EXOSC10: variants seen among roughly 807,000 people sequenced by gnomAD.
EXOSC10 encodes exosome component 10.
EXOSC10 carries 94 observed loss-of-function variants against 126.6 expected under a neutral mutation model. The observed-to-expected ratio is 0.74, with a 90% confidence interval of 0.63 to 0.88. EXOSC10 has a LOEUF of 0.88. EXOSC10 is among the 40% of genes least tolerant of loss of function. The pLI is 0.00. For missense variants in EXOSC10, 1,041 were observed against 1,100.5 expected (o/e 0.95, Z 0.77); for synonymous variants, 395 against 400.8 (o/e 0.99, Z 0.17).
intron 6 of EXOSC10, among the ~76,000 whole-genome samples, chr1:11,089,192 C>T (rs150048654): frequency 6.5e-5 from 9 of 137,754 alleles, no homozygotes; most frequent in East Asian, 4.3e-4. Flanking sequence ...GATTGCACTA[C>T]GGCACCCAGC....
At chr1:11,096,021 T>C (rs1641065029) in intron 2 of EXOSC10, 140 bp from the exon 3 acceptor site, 1 of 936,546 alleles carries the variant, frequency 1.1e-6, no homozygotes, top group Non-Finnish European at 1.5e-6. Context: ...TCTTGCTCTG[T>C]TGCCCAGGCT....
intron 6 of EXOSC10, among the ~76,000 whole-genome samples, chr1:11,089,634 A>G (rs974837857): frequency 7.2e-6 from 1 of 139,812 alleles, no homozygotes; most frequent in Admixed American, 6.9e-5. Flanking sequence ...AAAAAAAAAA[A>G]AAGAAAGAAA....
chr1:11,067,580 G>C (rs902480188), intron 24 of EXOSC10, among the ~76,000 whole-genome samples: 2 of 152,238 alleles, frequency 1.3e-5, no homozygotes, highest in African/African-American at 4.8e-5. Context: ...CTCCAGCCTG[G>C]GTGACAGAAT....
intron 16 of EXOSC10, 59 bp from the exon 17 acceptor site, chr1:11,077,007 T>C (rs1639855801): frequency 1.4e-5 from 19 of 1,398,992 alleles, no homozygotes; most frequent in Non-Finnish European, 1.9e-5. Flanking sequence ...TTTTTTCTTT[T>C]TGAGATGGAG....
At chr1:11,080,365 T>A (rs1640073844) in intron 13 of EXOSC10, 134 bp downstream of exon 13, 1 of 1,118,544 alleles carries the variant, frequency 8.9e-7, no homozygotes, top group Admixed American at 2.1e-5. Context: ...TTCCTTCAAC[T>A]TGCTACCTTC....
chr1:11,072,387 T>C, intron 19 of EXOSC10: 1 of 485,476 alleles, frequency 2.1e-6, no homozygotes, highest in Admixed American at 3.7e-5. Flanking sequence ...CTCCAGGCAC[T>C]GGGCCATCCA....
At chr1:11,075,307 C>G (rs950008084) in intron 17 of EXOSC10, among the ~76,000 whole-genome samples, 1 of 152,208 alleles carries the variant, frequency 6.6e-6, no homozygotes, top group Non-Finnish European at 1.5e-5. Flanking sequence ...GTGTGAGCCA[C>G]CACGCCAGGC....
At chr1:11,094,703 C>T (rs571536437) in intron 3 of EXOSC10, among the ~76,000 whole-genome samples, 92 of 151,270 alleles carry the variant, frequency 6.1e-4, no homozygotes, top group African/African-American at 2.0e-3. Flanking sequence ...CGGGTTCAAG[C>T]GATTCTCCTG....
intron 3 of EXOSC10, among the ~76,000 whole-genome samples, chr1:11,093,304 T>C (rs1640899746): frequency 6.6e-6 from 1 of 152,228 alleles, no homozygotes; most frequent in South Asian, 2.1e-4. Flanking sequence ...ACATTAAATA[T>C]AGAAGTACAC....
chr1:11,073,919 G>GAC lies in EXOSC10; in HGVS notation c.2157+13_2157+14dup. ...AAAAAAAGTCTCTTTTAGAACAGGT[G>GAC]ACAAGTCCACTTACTTCATAGATTT... On this transcript the variant is annotated intron_variant, in intron 19 of 24. Coordinates refer to ENST00000376936, the MANE Select transcript of EXOSC10 (RefSeq NM_001001998.3). 3 of 1,326,092 alleles carry GAC rather than the reference G, an allele frequency of 2.3e-6. No individual in the cohort carries two copies. Among genetic ancestry groups the GAC allele is most frequent in the African/African-American group, 1.4e-5 (1 of 69,810 alleles). 82.1% of individuals were successfully genotyped at this position (1,326,092 alleles called of 1,614,324 possible).
intron 17 of EXOSC10, 106 bp downstream of exon 17, chr1:11,076,736 A>G (rs935509267): frequency 4.9e-5 from 44 of 891,196 alleles, no homozygotes; most frequent in East Asian, 7.4e-5. Flanking sequence ...TGCTCTCAGC[A>G]TTAGTCTCCG....
chr1:11,090,983 C>T (rs1163558143), intron 5 of EXOSC10, 31 bp downstream of exon 5: 2 of 1,604,780 alleles, frequency 1.2e-6, no homozygotes, highest in African/African-American at 2.7e-5. Flanking sequence ...TAAAGTGAGA[C>T]TCAAACACAG....
At chr1:11,070,062 A>G (rs1639368305) in intron 21 of EXOSC10, among the ~76,000 whole-genome samples, 1 of 151,802 alleles carries the variant, frequency 6.6e-6, no homozygotes, top group African/African-American at 2.4e-5. Flanking sequence ...CAAGACCCCT[A>G]TCTCTACAAA....
At chr1:11,067,162 TG>T (rs1639142028) in intron 24 of EXOSC10, among the ~76,000 whole-genome samples, 1 of 152,076 alleles carries the variant, frequency 6.6e-6, no homozygotes, top group Non-Finnish European at 1.5e-5. Flanking sequence ...CCGGGCGCGG[TG>T]GCTCACGCCT....
At chr1:11,082,493 G>C in intron 10 of EXOSC10, 195 bp downstream of exon 10, 1 of 1,334,970 alleles carries the variant, frequency 7.5e-7, no homozygotes, top group African/African-American at 1.5e-5. Context: ...AACTGCATCA[G>C]CCCATCATAA....
chr1:11,098,196 T>A, intron 1 of EXOSC10, 40 bp from the exon 2 acceptor site: 3 of 1,564,196 alleles, frequency 1.9e-6, no homozygotes, highest in Non-Finnish European at 2.6e-6. Flanking sequence ...TACACAGGGA[T>A]CCCCATTCAT....
Position 11,082,764 on chromosome 1 carries a change from A to C in EXOSC10, c.1204T>G (p.Ser402Ala). Reference protein sequence around the residue: ...AARLLNLGRHSLDHLLKLYCN... With the variant: ...AARLLNLGRHALDHLLKLYCN... ...TAGAGTTTCAGGAGATGATCGAGTG[A>C]GTGCCTGCCCAGGTTAAGAAGGCGT... The change falls in exon 10 of 25, where the codon TCA (serine) becomes GCA (alanine). Residue 402 changes from serine (S) to alanine (A), a missense_variant. By Grantham distance (99) the Ser-to-Ala change is moderately conservative (BLOSUM62 1). This residue lies in a region of EXOSC10 where 645 missense variants were observed against 656.3 expected (regional missense o/e 0.98). Coordinates refer to ENST00000376936, the MANE Select transcript of EXOSC10 (RefSeq NM_001001998.3). The C allele has an allele frequency of 6.2e-7, 1 of 1,614,194 alleles. No homozygotes were observed. The highest frequency in any genetic ancestry group is 8.5e-7 in the Non-Finnish European group (1 of 1,180,024).
chr1:11,083,399 T>C (rs151297021), intron 9 of EXOSC10, among the ~76,000 whole-genome samples: 6,441 of 151,988 alleles, frequency 0.042, 223 homozygotes, highest in Middle Eastern at 0.068. Flanking sequence ...CTGTCTCTAC[T>C]AAAAATACAA....
rs376537001 is a variant in EXOSC10, at chr1:11,099,291, C to T, written c.111+430G>A. ...ACTCAGGGTTAAAAATTATGTAGGACTGGACTTCAGAAACAGAGGAAGAGA... is the reference window on the plus strand; with the variant it reads ...ACTCAGGGTTAAAAATTATGTAGGATTGGACTTCAGAAACAGAGGAAGAGA... On this transcript the variant is annotated intron_variant, in intron 1 of 24. Transcript: ENST00000376936. Among the ~76,000 whole-genome samples, 13 of 152,302 alleles carry T rather than the reference C, an allele frequency of 8.5e-5. No individual in the cohort carries two copies. The East Asian group carries it at 2.3e-3, about 27-fold the overall frequency.
Sources: allele counts gnomAD v4.1 joint callset (sites outside exome capture counted in the v4.1 genomes callset), GRCh38; gene constraint gnomAD v4.1.1; regional missense constraint gnomAD v4.1.1; transcripts MANE v1.5; gene names NCBI Gene and HGNC (gene_info 2026-07-23, HGNC 2026-07-21).